WDR26: variants seen among roughly 807,000 people sequenced by gnomAD.
WDR26 encodes the protein WD repeat domain 26, also known as WD repeat-containing protein 26.
In WDR26, 5 loss-of-function variants were observed where a neutral mutation model predicts 84.1. The ratio of observed to expected loss-of-function variants is 0.06; its 90% CI spans 0.03 to 0.13. WDR26 has a LOEUF of 0.13. WDR26 is among the 10% of genes least tolerant of loss of function. WDR26 has a pLI of 1.00. For missense variants in WDR26, 642 were observed against 974.9 expected (o/e 0.66, Z 4.55); for synonymous variants, 415 against 389.6 (o/e 1.07, Z -0.77).
intron 7 of WDR26, among the ~76,000 whole-genome samples, chr1:224,407,745 G>A (rs1274400871): frequency 6.6e-6 from 1 of 151,892 alleles, no homozygotes; most frequent in Non-Finnish European, 1.5e-5. Context: ...CTGACCTCAG[G>A]TGACTCACCT....
intron 3 of WDR26, among the ~76,000 whole-genome samples, chr1:224,426,867 CG>C (rs1266372119): frequency 6.6e-6 from 1 of 151,162 alleles, no homozygotes; most frequent in Non-Finnish European, 1.5e-5. Context: ...GAGGCTGAGG[CG>C]GGTGGATCAC....
intron 12 of WDR26, among the ~76,000 whole-genome samples, chr1:224,396,721 G>A (rs1673272792): frequency 6.6e-6 from 1 of 152,152 alleles, no homozygotes; most frequent in South Asian, 2.1e-4. Flanking sequence ...CACTTCAGGA[G>A]GCTGAGGCAG....
At chr1:224,404,238 A>G (rs547686602) in intron 8 of WDR26, among the ~76,000 whole-genome samples, 192 bp downstream of exon 8, 4 of 152,352 alleles carry the variant, frequency 2.6e-5, no homozygotes, top group African/African-American at 4.8e-5. Context: ...TCATTCTTCC[A>G]AAAATATATT....
At position 224,423,632 on chromosome 1, in the gene WDR26, T is replaced by C. The variant is rs572670899; in HGVS notation, c.1064+886A>G. The stretch of plus-strand genomic sequence containing the variant: ...ATGTGGTGGTACATGCCTGAAATCC[T>C]ACCTACTTAGGAGGGTGAGGCAGGA... On this transcript the variant is annotated intron_variant, in intron 4 of 13. Transcript: ENST00000414423. 2.6e-5 allele frequency among the ~76,000 whole-genome samples: 4 copies of C among 152,262 alleles called. No homozygotes were observed. In the East Asian group the frequency reaches 7.7e-4, roughly 29 times the overall value.
intron 7 of WDR26, among the ~76,000 whole-genome samples, chr1:224,404,998 T>A (rs992811196): frequency 9.2e-5 from 14 of 152,176 alleles, no homozygotes; most frequent in African/African-American, 3.1e-4. Context: ...TATTTTAGTA[T>A]ATTCAGAGTT....
At chr1:224,407,078 C>T (rs1368763272) in intron 7 of WDR26, among the ~76,000 whole-genome samples, 7 of 131,300 alleles carry the variant, frequency 5.3e-5, no homozygotes, top group Non-Finnish European at 9.4e-5. Flanking sequence ...GCCAAGATTG[C>T]GCCACTGCAC....
chr1:224,410,659 T>C (rs150831229), intron 7 of WDR26, among the ~76,000 whole-genome samples: 305 of 151,636 alleles, frequency 2.0e-3, no homozygotes, highest in African/African-American at 7.2e-3. Context: ...TAACTTGTGG[T>C]TGGGACAGAA....
intron 7 of WDR26, among the ~76,000 whole-genome samples, chr1:224,408,498 C>A (rs1193954383): frequency 6.6e-6 from 1 of 152,162 alleles, no homozygotes; most frequent in Non-Finnish European, 1.5e-5. Context: ...GGTATTACTA[C>A]CTTCTTTTTC....
At chr1:224,419,409 A>C in intron 5 of WDR26, 109 bp downstream of exon 5, 1 of 849,726 alleles carries the variant, frequency 1.2e-6, no homozygotes, top group Non-Finnish European at 1.9e-6. Flanking sequence ...TCTTCTAAGC[A>C]CTCAATAAAA....
Position 224,389,354 on chromosome 1 carries a change from C to T in WDR26, c.*481G>A, listed in dbSNP as rs781625896. ...TGCAAAGATCTCAAGCTAAATAAGG[C>T]GGAAAGATTTGGAGAAACAAAAGAA... On this transcript the variant is annotated 3_prime_UTR_variant, in exon 14 of 14. Transcript: ENST00000414423. The T allele has an allele frequency of 8.4e-5, 21 of 248,946 alleles. No individual in the cohort carries two copies. Among genetic ancestry groups the T allele is most frequent in the Non-Finnish European group, 1.4e-4 (19 of 132,578 alleles). The allele number at this position is 248,946 out of a possible 1,614,324, so 15.4% of individuals were successfully genotyped here.
chr1:224,431,902 A>C, intron 1 of WDR26, 121 bp from the exon 2 acceptor site: 1 of 722,236 alleles, frequency 1.4e-6, no homozygotes, highest in Non-Finnish European at 2.0e-6. Flanking sequence ...ATGAAGAAAA[A>C]AATAGCTTTC....
chr1:224,396,875 G>A (rs577017775), intron 12 of WDR26, among the ~76,000 whole-genome samples: 124 of 143,250 alleles, frequency 8.7e-4, no homozygotes, highest in Non-Finnish European at 1.6e-3. Context: ...CATCAAGATC[G>A]TGCCATTGCA....
chr1:224,429,129 G>A (rs1171984488), intron 3 of WDR26, among the ~76,000 whole-genome samples: 1 of 151,792 alleles, frequency 6.6e-6, no homozygotes, highest in Non-Finnish European at 1.5e-5. Context: ...GGGCATGGTG[G>A]CATGTGCCTG....
intron 12 of WDR26, among the ~76,000 whole-genome samples, chr1:224,396,221 C>T (rs531432020): frequency 3.3e-5 from 5 of 152,196 alleles, no homozygotes; most frequent in Non-Finnish European, 7.4e-5. Flanking sequence ...TAGTATTCAT[C>T]GTTGTTTCTA....
At chr1:224,393,575 T>C (rs926784330) in intron 13 of WDR26, among the ~76,000 whole-genome samples, 2 of 152,204 alleles carry the variant, frequency 1.3e-5, no homozygotes, top group Non-Finnish European at 2.9e-5. Context: ...AACTACTAAA[T>C]AGCTAACTGG....
At chr1:224,396,584 A>G (rs1673267232) in intron 12 of WDR26, among the ~76,000 whole-genome samples, 1 of 152,246 alleles carries the variant, frequency 6.6e-6, no homozygotes, top group East Asian at 1.9e-4. Flanking sequence ...GACTGGAAAA[A>G]AGTAAATTCC....
At chr1:224,412,737 T>C (rs908708407) in intron 6 of WDR26, among the ~76,000 whole-genome samples, 7 of 152,246 alleles carry the variant, frequency 4.6e-5, no homozygotes, top group Non-Finnish European at 1.0e-4. Context: ...TCACTACAAG[T>C]GGCTATTGAA....
In WDR26 at chr1:224,388,478, A is replaced by G. The variant is rs1673037016; in HGVS notation, c.*1357T>C. The stretch of plus-strand genomic sequence containing the variant: ...GCTTTTGGCTTATTTTAAATGTGAA[A>G]TTCTCAAAATTAAAAGTGCTTTTCC... On this transcript the variant is annotated 3_prime_UTR_variant, in exon 14 of 14. Transcript: ENST00000414423. The G allele has an allele frequency of 6.6e-6, 1 of 152,414 alleles. No individual in the cohort carries two copies. Among genetic ancestry groups the G allele is most frequent in the South Asian group, 2.1e-4 (1 of 4,834 alleles). The allele number at this position is 152,414 out of a possible 1,614,324, so 9.4% of individuals were successfully genotyped here.
Position 224,393,892 on chromosome 1 carries a change from G to C in WDR26, c.2196C>G (p.Ala732=), listed in dbSNP as rs779601393. ...ATATTCTAACAGTGCCATCATCTGAGGCGCTGGCCATCATGGATGGAATCT... is the reference window on the plus strand; with the variant it reads ...ATATTCTAACAGTGCCATCATCTGACGCGCTGGCCATCATGGATGGAATCT... Residue 732 remains alanine, a synonymous_variant, in exon 13 of 14, where the codon GCC becomes GCG. Transcript: ENST00000414423. 1 of 1,592,654 alleles carries C rather than the reference G, an allele frequency of 6.3e-7. No homozygotes were observed. Among genetic ancestry groups the C allele is most frequent in the East Asian group, 2.2e-5 (1 of 44,576 alleles).
Sources: allele counts gnomAD v4.1 joint callset (sites outside exome capture counted in the v4.1 genomes callset), GRCh38; gene constraint gnomAD v4.1.1; transcripts MANE v1.5; gene names NCBI Gene and HGNC (gene_info 2026-07-23, HGNC 2026-07-21).